Variants in STXBP3 observed in about 807,000 individuals in gnomAD.
The protein encoded by STXBP3 is syntaxin binding protein 3, also known as syntaxin-binding protein 3.
A neutral mutation model predicts 85.7 loss-of-function variants in STXBP3; 41 were observed. That is an observed-to-expected ratio of 0.48 (90% CI 0.37 to 0.62). The LOEUF is 0.62. Ranked by LOEUF, STXBP3 falls within the 20% of genes least tolerant of loss-of-function variation. The pLI is 0.00. For missense variants in STXBP3, 563 were observed against 703.1 expected (o/e 0.80, Z 2.25); for synonymous variants, 229 against 231.7 (o/e 0.99, Z 0.10).
intron 12 of STXBP3, 63 bp from the exon 13 acceptor site, chr1:108,794,760 TTTAA>T (rs1663054488): frequency 7.0e-7 from 1 of 1,428,088 alleles, no homozygotes. Flanking sequence ...GTCTCAAAAG[TTTAA>T]TATTACCAGT....
rs140954160 is a variant in STXBP3 at position 108,775,804 on chromosome 1, G to A, written c.594-529G>A. Among the ~76,000 whole-genome samples, 11 of 152,120 alleles carry A rather than the reference G, an allele frequency of 7.2e-5. No homozygotes were observed. In the East Asian group the frequency reaches 2.1e-3, roughly 29 times the overall value. On this transcript the variant is annotated intron_variant, in intron 7 of 18. Coordinates refer to ENST00000370008, the MANE Select transcript of STXBP3 (RefSeq NM_007269.4). Reference sequence around the variant, plus strand: ...ATAGTGTAATAAGAATGACTCATATGTCCATCTTTAGAGGAATCGATACAT... The same window carrying A: ...ATAGTGTAATAAGAATGACTCATATATCCATCTTTAGAGGAATCGATACAT...
chr1:108,766,349 C>G (rs1411101232), intron 6 of STXBP3, among the ~76,000 whole-genome samples: 2 of 151,984 alleles, frequency 1.3e-5, no homozygotes, highest in Non-Finnish European at 1.5e-5. Context: ...CTATGAAATG[C>G]TTTGATTTGC....
chr1:108,759,937 G>A (rs754919870), intron 5 of STXBP3, 48 bp from the exon 6 acceptor site: 2 of 1,143,196 alleles, frequency 1.7e-6, no homozygotes, highest in East Asian at 2.6e-5. Flanking sequence ...TATTTAAAAG[G>A]AATAAAATCT....
intron 6 of STXBP3, among the ~76,000 whole-genome samples, chr1:108,768,009 A>C (rs1483812159): frequency 6.6e-6 from 1 of 152,198 alleles, no homozygotes; most frequent in Non-Finnish European, 1.5e-5. Context: ...AAACTGAGAA[A>C]ATTTTTTAGC....
rs779628986 is a variant in STXBP3, at chr1:108,800,227, T to C, written c.1457T>C (p.Ile486Thr). Residue 486 changes from isoleucine (I) to threonine (T), a missense_variant, in exon 17 of 19, where the codon ATT (isoleucine) becomes ACT (threonine). Around this residue, in one of 3 missense-constraint regions of STXBP3, gnomAD observed 494 missense variants for 592.8 expected, o/e 0.83. Coordinates refer to ENST00000370008, the MANE Select transcript of STXBP3 (RefSeq NM_007269.4). ...AACTCTTTCCTTCCTTAGGATGCTATTGATAATAGATTAGATTCAAAAGAA... is the reference window on the plus strand; with the variant it reads ...AACTCTTTCCTTCCTTAGGATGCTACTGATAATAGATTAGATTCAAAAGAA... ...PFIKDIMEDAIDNRLDSKEWP... is the reference protein window; with the variant it reads ...PFIKDIMEDATDNRLDSKEWP... The C allele has an allele frequency of 6.2e-7, 1 of 1,607,572 alleles. No homozygotes were observed. The highest frequency in any genetic ancestry group is 8.5e-7 in the Non-Finnish European group (1 of 1,174,208).
intron 6 of STXBP3, among the ~76,000 whole-genome samples, chr1:108,765,644 G>A (rs970738747): frequency 8.5e-5 from 11 of 128,936 alleles, no homozygotes; most frequent in South Asian, 4.9e-4. Flanking sequence ...GTGCAATCTC[G>A]TTTCACTGCA....
At chr1:108,785,967 C>T (rs933260215) in intron 11 of STXBP3, among the ~76,000 whole-genome samples, 3 of 152,144 alleles carry the variant, frequency 2.0e-5, no homozygotes, top group Admixed American at 6.5e-5. Flanking sequence ...CCAAACTTTC[C>T]CACATTTTCC....
intron 11 of STXBP3, among the ~76,000 whole-genome samples, chr1:108,792,365 C>T (rs970189167): frequency 1.3e-5 from 2 of 151,996 alleles, no homozygotes; most frequent in Non-Finnish European, 2.9e-5. Flanking sequence ...TTGAGGTGTT[C>T]TTTTCTTAGC....
chr1:108,771,409 T>G (rs1282931986), intron 6 of STXBP3, among the ~76,000 whole-genome samples: 18 of 102,354 alleles, frequency 1.8e-4, no homozygotes, highest in African/African-American at 6.0e-4. Flanking sequence ...TATATATCTA[T>G]ATATATAATA....
chr1:108,798,302 T>C, intron 16 of STXBP3, 65 bp downstream of exon 16: 1 of 1,353,414 alleles, frequency 7.4e-7, no homozygotes, highest in East Asian at 2.3e-5. Context: ...TTACTTTTTG[T>C]AGTTTATGTC....
Position 108,772,722 on chromosome 1 carries a change from A to G in STXBP3, c.496A>G (p.Asn166Asp). The change falls in exon 7 of 19, where the codon AAT becomes GAT. Residue 166 changes from asparagine to aspartate, a missense_variant. Physicochemically the swap from Asn to Asp is conservative, Grantham distance 23 (BLOSUM62 1). Around this residue, in one of 3 missense-constraint regions of STXBP3, gnomAD observed 494 missense variants for 592.8 expected, o/e 0.83. Coordinates refer to ENST00000370008, the MANE Select transcript of STXBP3 (RefSeq NM_007269.4). Reference protein sequence around the residue: ...FYYCYSPDPGNAKGKDAIMET... With the variant: ...FYYCYSPDPGDAKGKDAIMET... Reference sequence around the variant, plus strand: ...TTACTGTTATAGTCCAGACCCTGGTAATGCAAAGGGAAAAGATGCCATTAT... The same window carrying G: ...TTACTGTTATAGTCCAGACCCTGGTGATGCAAAGGGAAAAGATGCCATTAT... The G allele has an allele frequency of 6.2e-7, 1 of 1,603,608 alleles. No homozygotes were observed. The highest frequency in any genetic ancestry group is 1.1e-5 in the South Asian group (1 of 89,778).
chr1:108,793,166 T>TC (rs1243694702), intron 11 of STXBP3, among the ~76,000 whole-genome samples: 31 of 141,030 alleles, frequency 2.2e-4, no homozygotes, highest in East Asian at 6.9e-4. Context: ...CATTTTTTTT[T>TC]TTTTTTTTTT....
intron 8 of STXBP3, among the ~76,000 whole-genome samples, chr1:108,777,890 C>T (rs971036854): frequency 1.3e-5 from 2 of 152,134 alleles, no homozygotes; most frequent in African/African-American, 4.8e-5. Flanking sequence ...TCTGAAGATT[C>T]ATAGCTCATA....
At chr1:108,784,476 C>G (rs1458325852) in intron 11 of STXBP3, among the ~76,000 whole-genome samples, 1 of 152,166 alleles carries the variant, frequency 6.6e-6, no homozygotes, top group African/African-American at 2.4e-5. Flanking sequence ...GGCAAACCGC[C>G]CCCATGATTC....
At position 108,807,423 on chromosome 1, in the gene STXBP3, A is replaced by G. The variant is rs752413550; in HGVS notation, c.1558A>G (p.Asn520Asp). ...TAGTGCTCGCCAGAAACCCAGAGCT[A>G]ATTATTTAGAAGACCGAAAAAATGG... ...AVSARQKPRA[N>D]YLEDRKNGSK... Residue 520 changes from asparagine to aspartate, a missense_variant, in exon 18 of 19, where the codon AAT becomes GAT. By Grantham distance (23) the Asn-to-Asp change is conservative. Transcript: ENST00000370008. 6 of 1,609,300 alleles carry G rather than the reference A, an allele frequency of 3.7e-6. No individual in the cohort carries two copies. Among genetic ancestry groups the G allele is most frequent in the African/African-American group, 1.3e-5 (1 of 74,568 alleles).
At chr1:108,747,568 C>G (rs1320344897) in intron 1 of STXBP3, among the ~76,000 whole-genome samples, 3 of 152,144 alleles carry the variant, frequency 2.0e-5, no homozygotes, top group Admixed American at 2.0e-4. Flanking sequence ...ATGAAACCAC[C>G]CAACAGGAAT....
At chr1:108,790,516 C>T (rs915264325) in intron 11 of STXBP3, among the ~76,000 whole-genome samples, 11 of 151,600 alleles carry the variant, frequency 7.3e-5, no homozygotes, top group Admixed American at 6.6e-4. Flanking sequence ...GTTTTTTTAT[C>T]CAGCCCAAAA....
At chr1:108,764,278 T>C (rs1008603398) in intron 6 of STXBP3, among the ~76,000 whole-genome samples, 15 of 152,004 alleles carry the variant, frequency 9.9e-5, no homozygotes, top group African/African-American at 3.6e-4. Context: ...AGATACCACA[T>C]TTTTTTTAAT....
intron 1 of STXBP3, among the ~76,000 whole-genome samples, chr1:108,747,071 GC>G (rs1042052567): frequency 1.4e-5 from 1 of 72,772 alleles, no homozygotes; most frequent in African/African-American, 4.9e-5. Flanking sequence ...GAGCCGCCCG[GC>G]CCGGCTTTCC....
Sources: allele counts gnomAD v4.1 joint callset (sites outside exome capture counted in the v4.1 genomes callset), GRCh38; gene constraint gnomAD v4.1.1; regional missense constraint gnomAD v4.1.1; transcripts MANE v1.5; gene names NCBI Gene and HGNC (gene_info 2026-07-23, HGNC 2026-07-21).